USP47: variants seen among roughly 807,000 people sequenced by gnomAD.
USP47 encodes ubiquitin specific peptidase 47, also known as ubiquitin carboxyl-terminal hydrolase 47.
USP47 carries 35 observed loss-of-function variants against 165.1 expected under a neutral mutation model. The ratio of observed to expected loss-of-function variants is 0.21; its 90% confidence interval spans 0.16 to 0.28. The LOEUF is 0.28. USP47 is among the 10% of genes least tolerant of loss of function. The pLI, the probability that USP47 is intolerant of heterozygous loss-of-function variation, is 1.00. For missense variants in USP47, 1,277 were observed against 1,607.4 expected (o/e 0.79, Z 3.52); for synonymous variants, 531 against 544.5 (o/e 0.98, Z 0.35).
At chr11:11,948,865 C>G (rs1856029343) in intron 22 of USP47, 1 of 234,592 alleles carries the variant, frequency 4.3e-6, no homozygotes. Context: ...TAAAGTGTTG[C>G]TACAAATGCT....
chr11:11,900,942 C>T (rs569861994), intron 5 of USP47, among the ~76,000 whole-genome samples: 13 of 152,180 alleles, frequency 8.5e-5, no homozygotes, highest in African/African-American at 3.1e-4. Context: ...TCACAGTTAA[C>T]AAGAGAATTT....
At chr11:11,940,617 A>G in intron 19 of USP47, 69 bp downstream of exon 19, 3 of 1,524,470 alleles carry the variant, frequency 2.0e-6, no homozygotes, top group Non-Finnish European at 2.7e-6. Context: ...GTTCAATATT[A>G]TAAGCCTGGC....
In USP47 at chr11:11,940,523, C is replaced by T; in HGVS notation, c.2288C>T (p.Ala763Val). The change falls in exon 19 of 28, where the codon GCT (alanine) becomes GTT (valine). Residue 763 changes from alanine to valine, a missense_variant. Physicochemically the swap from Ala to Val is moderately conservative, Grantham distance 64. This residue lies in a region of USP47 where 909 missense variants were observed against 1,068.1 expected (regional missense o/e 0.85). Coordinates refer to ENST00000527733, the MANE Select transcript of USP47 (RefSeq NM_001282659.2). ...LLSVSSKTLK[A>V]EGFFRSNKVF... Reference sequence around the variant, plus strand: ...AGTGTCTCCAGTAAAACCCTGAAAGCTGAAGGATTTTTTAGAAGTAACAAG... The same window carrying T: ...AGTGTCTCCAGTAAAACCCTGAAAGTTGAAGGATTTTTTAGAAGTAACAAG... 1 of 1,611,696 alleles carries T rather than the reference C, an allele frequency of 6.2e-7. No homozygotes were observed. Among genetic ancestry groups the T allele is most frequent in the Non-Finnish European group, 8.5e-7 (1 of 1,178,432 alleles).
Position 11,937,286 on chromosome 11 carries a change from C to T in USP47, c.2077+776C>T, listed in dbSNP as rs922931293. Among the ~76,000 whole-genome samples, 4 of 151,870 alleles carry T rather than the reference C, an allele frequency of 2.6e-5. No homozygotes were observed. The East Asian group carries it at 7.7e-4, about 29-fold the overall frequency. ...ATACTGTTTTGTCTTGGCCCTAACT[C>T]CTTTGCATCAGTGGTTAGTGAGAAT... On this transcript the variant is annotated intron_variant, in intron 17 of 27. Transcript: ENST00000527733.
chr11:11,960,570 G>A lies in USP47; in HGVS notation c.*4395G>A, dbSNP rs1412861130. Among the ~76,000 whole-genome samples, 1 of 152,194 alleles carries A rather than the reference G, an allele frequency of 6.6e-6. No homozygotes were observed. Among genetic ancestry groups the A allele is most frequent in the Non-Finnish European group, 1.5e-5 (1 of 68,024 alleles). On this transcript the variant is annotated 3_prime_UTR_variant, in exon 28 of 28. Transcript: ENST00000527733. ...AGTTCCCCTCAGAAGTTTCAGCCAA[G>A]GGAATAAAATCTAACCTCTCCTCCC...
chr11:11,948,714 A>C (rs1856016789), intron 22 of USP47, 156 bp downstream of exon 22: 1 of 602,076 alleles, frequency 1.7e-6, no homozygotes, highest in Middle Eastern at 4.6e-4. Flanking sequence ...CCTCTGTTGC[A>C]GTTACTCACT....
chr11:11,903,614 T>C (rs1360683283), intron 7 of USP47, among the ~76,000 whole-genome samples: 2 of 152,168 alleles, frequency 1.3e-5, no homozygotes, highest in Admixed American at 6.5e-5. Context: ...AAATTATACA[T>C]TTAAAAACTG....
intron 4 of USP47, among the ~76,000 whole-genome samples, chr11:11,892,818 T>TAAAAAAAAAAA (rs778720093): frequency 1.2e-5 from 1 of 80,194 alleles, no homozygotes; most frequent in Non-Finnish European, 2.3e-5. Context: ...CTGTCTCAAG[T>TAAAAAAAAAAA]AAAAAAAAAA....
intron 1 of USP47, among the ~76,000 whole-genome samples, chr11:11,875,882 T>C (rs1242486576): frequency 6.6e-6 from 1 of 152,268 alleles, no homozygotes; most frequent in East Asian, 1.9e-4. Flanking sequence ...TGATTACAGA[T>C]GTGAGCCACC....
chr11:11,945,976 T>C (rs987661752), intron 20 of USP47, among the ~76,000 whole-genome samples: 1 of 148,298 alleles, frequency 6.7e-6, no homozygotes, highest in African/African-American at 2.5e-5. Context: ...GGAAAAAGAA[T>C]AAAAGAAATA....
At chr11:11,882,258 T>C (rs1281457952) in intron 2 of USP47, among the ~76,000 whole-genome samples, 2 of 152,172 alleles carry the variant, frequency 1.3e-5, no homozygotes, top group African/African-American at 2.4e-5. Flanking sequence ...TAGATTTCCA[T>C]ATTTTTCTGT....
At position 11,936,412 on chromosome 11, in the gene USP47, T is replaced by C. The variant is rs748672911; in HGVS notation, c.1979T>C (p.Met660Thr). The C allele has an allele frequency of 4.6e-5, 74 of 1,610,396 alleles. No homozygotes were observed. The highest frequency in any genetic ancestry group is 6.1e-5 in the Non-Finnish European group (72 of 1,177,650). The change falls in exon 17 of 28, where the codon ATG (methionine) becomes ACG (threonine). Residue 660 changes from methionine to threonine, a missense_variant. Physicochemically the swap from Met to Thr is moderately conservative, Grantham distance 81 (BLOSUM62 -1). Coordinates refer to ENST00000527733, the MANE Select transcript of USP47 (RefSeq NM_001282659.2). Reference sequence around the variant, plus strand: ...TATGAAGGAGAAGAAGATACACCAATGGGGCTTCTACTAGGTGGCGTCAAG... The same window carrying C: ...TATGAAGGAGAAGAAGATACACCAACGGGGCTTCTACTAGGTGGCGTCAAG... ...RSYEGEEDTPMGLLLGGVKST... is the reference protein window; with the variant it reads ...RSYEGEEDTPTGLLLGGVKST...
At position 11,918,111 on chromosome 11, in the gene USP47, AAGTT is replaced by A. The variant is rs1263472703; in HGVS notation, c.970-2042_970-2039del. 4.6e-5 allele frequency among the ~76,000 whole-genome samples: 7 copies of A among 152,156 alleles called. No individual in the cohort carries two copies. The South Asian group carries it at 6.2e-4, about 14-fold the overall frequency. On this transcript the variant is annotated intron_variant, in intron 8 of 27. Transcript: ENST00000527733. ...ATTAAAGCTAATATCACCAAAGAGA[AAGTT>A]AGGTACATCATGGCCTGTGACTATG...
chr11:11,947,074 G>T (rs1855895061), intron 20 of USP47, among the ~76,000 whole-genome samples: 1 of 152,158 alleles, frequency 6.6e-6, no homozygotes, highest in Non-Finnish European at 1.5e-5. Flanking sequence ...AGTGGCCTGA[G>T]GCAGCGAGGC....
rs1853295646 is a variant in USP47, at chr11:11,914,901, G to A, written c.970-5255G>A. ...CTGTATCACACATACACTGCTGGTG[G>A]GAATGTGAAATGTTATGGGTAGTTT... is the stretch of plus-strand genomic sequence containing the variant. On this transcript the variant is annotated intron_variant, in intron 8 of 27. Transcript: ENST00000527733. Among the ~76,000 whole-genome samples, 3 of 152,124 alleles carry A rather than the reference G, an allele frequency of 2.0e-5. No homozygotes were observed. In the South Asian group the frequency reaches 6.2e-4, roughly 32 times the overall value.
intron 2 of USP47, 55 bp downstream of exon 2, chr11:11,880,435 G>T: frequency 8.3e-7 from 1 of 1,199,246 alleles, no homozygotes; most frequent in South Asian, 3.5e-5. Flanking sequence ...TGTTGTTGTT[G>T]TTACTGATGA....
intron 1 of USP47, among the ~76,000 whole-genome samples, chr11:11,879,107 G>A (rs1316085912): frequency 6.6e-6 from 1 of 152,140 alleles, no homozygotes; most frequent in South Asian, 2.1e-4. Context: ...TTGTATATCA[G>A]AAATACTATT....
At chr11:11,860,440 A>G (rs1373559275) in intron 1 of USP47, among the ~76,000 whole-genome samples, 3 of 152,202 alleles carry the variant, frequency 2.0e-5, no homozygotes, top group African/African-American at 7.2e-5. Flanking sequence ...AGATCACTCT[A>G]ATAGGAAATA....
At chr11:11,876,918 A>C (rs1850461461) in intron 1 of USP47, among the ~76,000 whole-genome samples, 1 of 152,212 alleles carries the variant, frequency 6.6e-6, no homozygotes, top group Non-Finnish European at 1.5e-5. Flanking sequence ...GGAAAAAAAA[A>C]AGAATGGCAA....
Sources: gnomAD v4.1 joint callset for allele counts (sites outside exome capture counted in the v4.1 genomes callset) on GRCh38, gnomAD v4.1.1 for gene constraint, gnomAD v4.1.1 regional missense constraint, MANE v1.5 for transcripts, NCBI Gene and HGNC (gene_info 2026-07-23, HGNC 2026-07-21) for gene names.